Variants in ABHD13 observed in about 807,000 individuals in gnomAD.
ABHD13 encodes the protein abhydrolase domain containing 13.
In ABHD13, 7 loss-of-function variants were observed where a neutral mutation model predicts 25.2. The ratio of observed to expected loss-of-function variants is 0.28; its 90% CI spans 0.16 to 0.52. The LOEUF is 0.52. Ranked by LOEUF, ABHD13 falls within the 20% of genes least tolerant of loss-of-function variation. The pLI is 0.96. For missense variants in ABHD13, 302 were observed against 402.7 expected (o/e 0.75, Z 2.14); for synonymous variants, 133 against 136.1 (o/e 0.98, Z 0.16).
intron 1 of ABHD13, among the ~76,000 whole-genome samples, chr13:108,226,775 G>A (rs775641400): frequency 6.6e-6 from 1 of 152,084 alleles, no homozygotes; most frequent in Non-Finnish European, 1.5e-5. Context: ...AGCAAATTCA[G>A]TAAATTAAAA....
chr13:108,223,181 T>C (rs1037664103), intron 1 of ABHD13, among the ~76,000 whole-genome samples: 2 of 152,228 alleles, frequency 1.3e-5, no homozygotes, highest in Admixed American at 6.5e-5. Flanking sequence ...TGCAGATTTT[T>C]CCAAATGGTG....
intron 1 of ABHD13, among the ~76,000 whole-genome samples, chr13:108,226,169 A>G (rs535119875): frequency 1.3e-5 from 2 of 151,956 alleles, no homozygotes; most frequent in South Asian, 4.2e-4. Context: ...TTTTTTGAAA[A>G]CCCAACATGT....
rs937608536 is a variant in ABHD13 at position 108,233,821 on chromosome 13, T to C, written c.*3589T>C. ...ACATTTTTGCCAAATGGCGCAAATA[T>C]ACCTCCATTTATATTTTGTATCTTA... is the stretch of plus-strand genomic sequence containing the variant. On this transcript the variant is annotated 3_prime_UTR_variant, in exon 2 of 2. Transcript: ENST00000375898. 2 of 166,866 alleles carry C rather than the reference T, an allele frequency of 1.2e-5. No homozygotes were observed. Among genetic ancestry groups the C allele is most frequent in the African/African-American group, 2.4e-5 (1 of 41,448 alleles). The allele number at this position is 166,866 out of a possible 1,614,324, so 10.3% of individuals were successfully genotyped here.
rs1879778013 is a variant in ABHD13 at position 108,230,417 on chromosome 13, T to A, written c.*185T>A. On this transcript the variant is annotated 3_prime_UTR_variant, in exon 2 of 2. Transcript: ENST00000375898. ...TTGGAAAAACTAATTCTTGGGATTC[T>A]TTCATACATTTTCATCAAAACTTTC... The A allele has an allele frequency of 1.9e-6, 1 of 539,014 alleles. No homozygotes were observed. The highest frequency in any genetic ancestry group is 3.7e-5 in the Admixed American group (1 of 26,980). The allele number at this position is 539,014 out of a possible 1,614,324, so 33.4% of individuals were successfully genotyped here. A position where few individuals can be genotyped will look rare whatever the true frequency, so the allele number is the denominator to read the frequency against.
At chr13:108,223,398 A>G (rs1029852553) in intron 1 of ABHD13, among the ~76,000 whole-genome samples, 10 of 152,246 alleles carry the variant, frequency 6.6e-5, no homozygotes, top group Non-Finnish European at 1.3e-4. Flanking sequence ...AATGTATTTC[A>G]ATACATAGCA....
chr13:108,229,248 T>C lies in ABHD13; in HGVS notation c.30T>C (p.Phe10=), dbSNP rs887937625. The change falls in exon 2 of 2, where the codon TTT becomes TTC. Residue 10 remains phenylalanine, a synonymous_variant. Coordinates refer to ENST00000375898, the MANE Select transcript of ABHD13 (RefSeq NM_032859.3). The surrounding 1 kb of genome is among the most constrained non-coding windows in gnomAD (Gnocchi z 4.7). Reference sequence around the variant, plus strand: ...AAAAGTCCTGGATGCTGTGGAACTTTGTTGAAAGATGGCTAATAGCCTTGG... The same window carrying C: ...AAAAGTCCTGGATGCTGTGGAACTTCGTTGAAAGATGGCTAATAGCCTTGG... MEKSWMLWN[F]VERWLIALAS... 9 of 1,567,650 alleles carry C rather than the reference T, an allele frequency of 5.7e-6. No individual in the cohort carries two copies. The highest frequency in any genetic ancestry group is 7.7e-6 in the Non-Finnish European group (9 of 1,163,298).
At position 108,229,992 on chromosome 13, in the gene ABHD13, G is replaced by A. The variant is rs1280833697; in HGVS notation, c.774G>A (p.Met258Ile). Residue 258 changes from methionine to isoleucine, a missense_variant, in exon 2 of 2, where the codon ATG becomes ATA. Physicochemically the swap from Met to Ile is conservative, Grantham distance 10. Coordinates refer to ENST00000375898, the MANE Select transcript of ABHD13 (RefSeq NM_032859.3). The surrounding 1 kb of genome is among the most constrained non-coding windows in gnomAD (Gnocchi z 4.7). ...ACAGAAAAATCTCTCAGTGTAGAAT[G>A]CCTTCACTTTTCATCTCTGGACTCT... ...LSYRKISQCR[M>I]PSLFISGLSD... 3 of 1,613,062 alleles carry A rather than the reference G, an allele frequency of 1.9e-6. No individual in the cohort carries two copies. The South Asian group carries it at 3.3e-5, about 18-fold the overall frequency.
At position 108,234,017 on chromosome 13, in the gene ABHD13, AAAAT is replaced by A. The variant is rs1409292000; in HGVS notation, c.*3788_*3791del. 2 of 166,402 alleles carry A rather than the reference AAAAT, an allele frequency of 1.2e-5. No homozygotes were observed. The highest frequency in any genetic ancestry group is 2.9e-5 in the Non-Finnish European group (2 of 67,948). 10.3% of individuals were successfully genotyped at this position (166,402 alleles called of 1,614,324 possible). On this transcript the variant is annotated 3_prime_UTR_variant, in exon 2 of 2. Coordinates refer to ENST00000375898, the MANE Select transcript of ABHD13 (RefSeq NM_032859.3). ...TAACATATTCAAGTATGTTCAGTAT[AAAAT>A]AAGTTAATCCCATTTCATAATGTAA... is the stretch of plus-strand genomic sequence containing the variant.
rs774057432 is a variant in ABHD13 at position 108,230,938 on chromosome 13, A to G, written c.*706A>G. The G allele has an allele frequency of 1.2e-5, 2 of 166,828 alleles. No individual in the cohort carries two copies. Among genetic ancestry groups the G allele is most frequent in the Non-Finnish European group, 2.9e-5 (2 of 67,952 alleles). The allele number at this position is 166,828 out of a possible 1,614,324, so 10.3% of individuals were successfully genotyped here. On this transcript the variant is annotated 3_prime_UTR_variant, in exon 2 of 2. Coordinates refer to ENST00000375898, the MANE Select transcript of ABHD13 (RefSeq NM_032859.3). The stretch of plus-strand genomic sequence containing the variant: ...CAAATGTACCGTGTTTTTGTTAGGT[A>G]CAGTCTGGATCATGGCATGTAGAAA...
In ABHD13 at chr13:108,229,872, A is replaced by G; in HGVS notation, c.654A>G (p.Thr218=). Reference sequence around the variant, plus strand: ...TTTCAGCCATTATGGTGGAGAACACATTTTTAAGCATACCACATATGGCCA... The same window carrying G: ...TTTCAGCCATTATGGTGGAGAACACGTTTTTAAGCATACCACATATGGCCA... The part of the protein sequence containing the change: ...HRISAIMVEN[T]FLSIPHMAST... The change falls in exon 2 of 2, where the codon ACA becomes ACG. Residue 218 remains threonine, a synonymous_variant. Coordinates refer to ENST00000375898, the MANE Select transcript of ABHD13 (RefSeq NM_032859.3). This position sits in a 1 kb window ranked among gnomAD's most constrained non-coding sequence, Gnocchi z 4.7. The G allele has an allele frequency of 1.9e-6, 3 of 1,613,454 alleles. No individual in the cohort carries two copies. The highest frequency in any genetic ancestry group is 2.5e-6 in the Non-Finnish European group (3 of 1,179,500).
intron 1 of ABHD13, among the ~76,000 whole-genome samples, chr13:108,220,613 A>G (rs920345189): frequency 2.6e-5 from 4 of 152,180 alleles, no homozygotes; most frequent in Non-Finnish European, 5.9e-5. Context: ...TTTGTAATAC[A>G]TTATTATATT....
chr13:108,225,100 A>G (rs1199578344), intron 1 of ABHD13, among the ~76,000 whole-genome samples: 1 of 152,174 alleles, frequency 6.6e-6, no homozygotes, highest in Non-Finnish European at 1.5e-5. Context: ...AATAAACTGT[A>G]ATACTTAAAT....
chr13:108,220,103 A>G (rs1879527641), intron 1 of ABHD13, among the ~76,000 whole-genome samples: 1 of 152,176 alleles, frequency 6.6e-6, no homozygotes. Flanking sequence ...CCTTTTACAT[A>G]CGAGGAAATA....
intron 1 of ABHD13, 122 bp downstream of exon 1, chr13:108,218,781 G>T (rs528506039): frequency 6.6e-6 from 1 of 151,530 alleles, no homozygotes. Context: ...GGAGGCTGTG[G>T]GGGGAGCCCC....
At chr13:108,224,677 C>T (rs1879636619) in intron 1 of ABHD13, among the ~76,000 whole-genome samples, 1 of 152,140 alleles carries the variant, frequency 6.6e-6, no homozygotes, top group Admixed American at 6.6e-5. Context: ...GAGAGCTTTA[C>T]AGTTCTAGAC....
At chr13:108,222,758 A>G (rs923275353) in intron 1 of ABHD13, among the ~76,000 whole-genome samples, 1 of 152,234 alleles carries the variant, frequency 6.6e-6, no homozygotes, top group Non-Finnish European at 1.5e-5. Context: ...TAGTAAGTTC[A>G]TTACATACTC....
At chr13:108,223,260 G>T (rs543726262) in intron 1 of ABHD13, among the ~76,000 whole-genome samples, 1 of 152,278 alleles carries the variant, frequency 6.6e-6, no homozygotes, top group East Asian at 1.9e-4. Flanking sequence ...GGAGCTATTG[G>T]CAACCTCATT....
Position 108,230,110 on chromosome 13 carries a change from C to G in ABHD13, c.892C>G (p.His298Asp). The G allele has an allele frequency of 6.2e-7, 1 of 1,613,180 alleles. No individual in the cohort carries two copies. Among genetic ancestry groups the G allele is most frequent in the Non-Finnish European group, 8.5e-7 (1 of 1,179,342 alleles). The change falls in exon 2 of 2, where the codon CAC (histidine) becomes GAC (aspartate). Residue 298 changes from histidine to aspartate, a missense_variant. By Grantham distance (81) the His-to-Asp change is moderately conservative (BLOSUM62 -1). Transcript: ENST00000375898. ...ATTAGCCATTTTTCCAGATGGGACT[C>G]ACAATGACACATGGCAGTGCCAAGG... ...KRLAIFPDGT[H>D]NDTWQCQGYF...
chr13:108,229,687 G>A lies in ABHD13; in HGVS notation c.469G>A (p.Glu157Lys). ...TGATTATCGAGGATATGGAAAAAGT[G>A]AAGGAGAAGCAAGTGAAGAAGGACT... ...LVDYRGYGKS[E>K]GEASEEGLYL... The change falls in exon 2 of 2, where the codon GAA becomes AAA. Residue 157 changes from glutamate to lysine, a missense_variant. By Grantham distance (56) the Glu-to-Lys change is moderately conservative. Transcript: ENST00000375898. This position sits in a 1 kb window ranked among gnomAD's most constrained non-coding sequence, Gnocchi z 4.7. 1 of 1,613,304 alleles carries A rather than the reference G, an allele frequency of 6.2e-7. No homozygotes were observed.
Sources: allele counts gnomAD v4.1 joint callset (sites outside exome capture counted in the v4.1 genomes callset), GRCh38; gene constraint gnomAD v4.1.1; non-coding constraint Gnocchi (gnomAD v3.1); transcripts MANE v1.5; gene names NCBI Gene and HGNC (gene_info 2026-07-23, HGNC 2026-07-21).